Variants in NFIB observed in about 807,000 individuals in gnomAD.
NFIB encodes the protein nuclear factor I B, also known as nuclear factor 1 B-type.
In NFIB, 11 loss-of-function variants were observed where a neutral mutation model predicts 61.5. That is an observed-to-expected ratio of 0.18 (90% CI 0.11 to 0.30). The LOEUF (loss-of-function observed/expected upper bound fraction) is 0.30. NFIB is among the 10% of genes least tolerant of loss of function. The pLI is 1.00. For missense variants in NFIB, 471 were observed against 608.9 expected (o/e 0.77, Z 2.38); for synonymous variants, 260 against 216.5 (o/e 1.20, Z -1.76).
chr9:14,159,654 T>C (rs2043915211), intron 3 of NFIB, among the ~76,000 whole-genome samples: 2 of 152,156 alleles, frequency 1.3e-5, no homozygotes, highest in Admixed American at 6.5e-5. Flanking sequence ...ATGGATGAAA[T>C]AGTACTCAGA....
At chr9:14,097,449 G>A (rs1378849147) in intron 10 of NFIB, among the ~76,000 whole-genome samples, 2 of 152,174 alleles carry the variant, frequency 1.3e-5, no homozygotes, top group Non-Finnish European at 2.9e-5. Context: ...CCCAGCTGTT[G>A]TACTGTAGTT....
chr9:14,262,070 A>T (rs1427190733), intron 2 of NFIB, among the ~76,000 whole-genome samples: 1 of 151,700 alleles, frequency 6.6e-6, no homozygotes, highest in Non-Finnish European at 1.5e-5. Context: ...TGACACTATC[A>T]TGTCACTTTT....
intron 2 of NFIB, among the ~76,000 whole-genome samples, chr9:14,225,801 AAAAT>A (rs2052330242): frequency 6.6e-6 from 1 of 152,220 alleles, no homozygotes; most frequent in Admixed American, 6.5e-5. Context: ...AATACAGAAC[AAAAT>A]ATTTAAAGAT....
intron 2 of NFIB, among the ~76,000 whole-genome samples, chr9:14,237,763 AGTGTGT>A (rs71321971): frequency 0.1 from 8,660 of 84,710 alleles, 578 homozygotes; most frequent in Non-Finnish European, 0.12. Flanking sequence ...TAGGTATAAC[AGTGTGT>A]GTGTGTGTGT....
chr9:14,486,971 A>G, the NFIB span, among the ~76,000 whole-genome samples: 1 of 152,238 alleles, frequency 6.6e-6, no homozygotes, highest in African/African-American at 2.4e-5. Context: ...TTACCTATGA[A>G]CTAAAACATG....
chr9:14,156,483 G>A (rs2043423053), intron 3 of NFIB, among the ~76,000 whole-genome samples: 2 of 152,178 alleles, frequency 1.3e-5, no homozygotes, highest in East Asian at 1.9e-4. Flanking sequence ...TACGTTGCAC[G>A]ATTTCACTGC....
chr9:14,295,803 G>A (rs546146280), intron 2 of NFIB, among the ~76,000 whole-genome samples: 22 of 152,192 alleles, frequency 1.4e-4, no homozygotes, highest in African/African-American at 2.9e-4. Context: ...AGTGAATTAC[G>A]AGTACTTGAT....
At chr9:14,129,605 G>T (rs1349379074) in intron 6 of NFIB, among the ~76,000 whole-genome samples, 1 of 152,052 alleles carries the variant, frequency 6.6e-6, no homozygotes, top group Non-Finnish European at 1.5e-5. Flanking sequence ...TTGTTTCTAT[G>T]TGTAATGTGC....
chr9:14,141,144 G>A (rs1479400263), intron 6 of NFIB, among the ~76,000 whole-genome samples: 1 of 152,114 alleles, frequency 6.6e-6, no homozygotes, highest in Non-Finnish European at 1.5e-5. Context: ...TAGCACAACA[G>A]TTAAGACTAC....
chr9:14,406,421 G>C, the NFIB span, among the ~76,000 whole-genome samples: 1 of 152,206 alleles, frequency 6.6e-6, no homozygotes. Context: ...GGGCCATGGT[G>C]AGCCATGAAT....
At chr9:14,421,236 C>T in the NFIB span, among the ~76,000 whole-genome samples, 5 of 152,150 alleles carry the variant, frequency 3.3e-5, no homozygotes, top group African/African-American at 1.2e-4. Flanking sequence ...AGATAAATAA[C>T]AATCATATTA....
intron 2 of NFIB, among the ~76,000 whole-genome samples, chr9:14,182,708 C>CTCTCTGTGTGTGTGTGTGTG (rs778914837): frequency 1.0e-5 from 1 of 96,994 alleles, no homozygotes; most frequent in African/African-American, 4.4e-5. Flanking sequence ...CTCTCTCTCT[C>CTCTCTGTGTGTGTGTGTGTG]TGTGTGTGTG....
At chr9:14,365,474 G>C (rs1463372267) in intron 1 of NFIB, among the ~76,000 whole-genome samples, 2 of 152,182 alleles carry the variant, frequency 1.3e-5, no homozygotes, top group Admixed American at 1.3e-4. Flanking sequence ...GAAGAAAGAT[G>C]GTAGTACAAA....
At chr9:14,232,703 T>A (rs576600234) in intron 2 of NFIB, among the ~76,000 whole-genome samples, 2 of 152,210 alleles carry the variant, frequency 1.3e-5, no homozygotes, top group African/African-American at 4.8e-5. Flanking sequence ...AAATGAGAAA[T>A]TTAAGGAGCA....
At chr9:14,439,636 G>A in the NFIB span, among the ~76,000 whole-genome samples, 11 of 152,244 alleles carry the variant, frequency 7.2e-5, no homozygotes, top group East Asian at 2.1e-3. Flanking sequence ...GGCACATGCT[G>A]AGCCCCAGAA....
intron 2 of NFIB, among the ~76,000 whole-genome samples, chr9:14,233,640 G>A (rs891616101): frequency 2.6e-5 from 4 of 151,964 alleles, no homozygotes; most frequent in Non-Finnish European, 5.9e-5. Context: ...ATGTTGGCCA[G>A]GCTGGTCTCA....
intron 2 of NFIB, chr9:14,204,600 C>G: frequency 9.8e-7 from 1 of 1,024,480 alleles, no homozygotes; most frequent in South Asian, 1.4e-5. Flanking sequence ...TTGGCCCGGG[C>G]GGAGAAGAAA....
chr9:14,095,876 G>A (rs1219465868), intron 10 of NFIB, among the ~76,000 whole-genome samples: 1 of 152,176 alleles, frequency 6.6e-6, no homozygotes, highest in Non-Finnish European at 1.5e-5. Flanking sequence ...AGATCTTCCT[G>A]TGTGTGAAAC....
At chr9:14,130,083 G>C (rs947250665) in intron 6 of NFIB, among the ~76,000 whole-genome samples, 3 of 150,950 alleles carry the variant, frequency 2.0e-5, no homozygotes, top group African/African-American at 7.3e-5. Flanking sequence ...TTTTTTTTCT[G>C]TTCTCACCGC....
Sources: allele counts gnomAD v4.1 joint callset (sites outside exome capture counted in the v4.1 genomes callset), GRCh38; gene constraint gnomAD v4.1.1; transcripts MANE v1.5; gene names NCBI Gene and HGNC (gene_info 2026-07-23, HGNC 2026-07-21).